ABI3BP: variants seen among roughly 807,000 people sequenced by gnomAD.
ABI3BP encodes ABI family member 3 binding protein.
In ABI3BP, 216 loss-of-function variants were observed where a neutral mutation model predicts 268.6. The observed-to-expected ratio is 0.80, with a 90% confidence interval of 0.72 to 0.90. ABI3BP has a LOEUF of 0.90. Ranked by LOEUF, ABI3BP falls within the 40% of genes least tolerant of loss-of-function variation. The pLI is 0.00. For missense variants in ABI3BP, 2,090 were observed against 2,182.4 expected, an observed-to-expected ratio of 0.96 and a Z score of 0.84; for synonymous variants, 730 against 730.0, an observed-to-expected ratio of 1.00 and a Z score of 0.00.
At chr3:100,867,360 G>A (rs901987832) in intron 9 of ABI3BP, among the ~76,000 whole-genome samples, 9 of 152,074 alleles carry the variant, frequency 5.9e-5, no homozygotes, top group Non-Finnish European at 1.3e-4. Context: ...GAAAATTTCC[G>A]GCCGGGCGTG....
At chr3:100,872,998 A>G (rs1048739605) in intron 9 of ABI3BP, among the ~76,000 whole-genome samples, 5 of 152,188 alleles carry the variant, frequency 3.3e-5, no homozygotes, top group African/African-American at 9.6e-5. Context: ...AAAATTTTCA[A>G]AAATTGTAAG....
chr3:100,934,797 T>C (rs1221859079), intron 1 of ABI3BP, among the ~76,000 whole-genome samples: 2 of 152,226 alleles, frequency 1.3e-5, no homozygotes, highest in African/African-American at 4.8e-5. Flanking sequence ...GAGAAGTGTC[T>C]GTTCATATCC....
chr3:100,861,210 G>A (rs187768666), intron 14 of ABI3BP, among the ~76,000 whole-genome samples: 2 of 152,200 alleles, frequency 1.3e-5, no homozygotes, highest in African/African-American at 4.8e-5. Flanking sequence ...GGAAACTAGG[G>A]GTGACTATAA....
chr3:100,984,158 A>AT (rs2090794555), intron 1 of ABI3BP, among the ~76,000 whole-genome samples: 1 of 148,206 alleles, frequency 6.7e-6, no homozygotes, highest in Non-Finnish European at 1.5e-5. Context: ...AAAAAAAAAA[A>AT]TCCCACCCTA....
chr3:100,870,093 G>A (rs1282072927), intron 9 of ABI3BP, among the ~76,000 whole-genome samples: 1 of 152,096 alleles, frequency 6.6e-6, no homozygotes, highest in East Asian at 1.9e-4. Flanking sequence ...AAAAAATGTA[G>A]CTTTTTTGAG....
At chr3:100,831,771 A>G (rs2098499058) in intron 31 of ABI3BP, among the ~76,000 whole-genome samples, 1 of 152,148 alleles carries the variant, frequency 6.6e-6, no homozygotes, top group South Asian at 2.1e-4. Flanking sequence ...TTCCTCCTCT[A>G]AATATTTGCC....
At chr3:100,776,439 T>TA (rs1414847584) in intron 59 of ABI3BP, among the ~76,000 whole-genome samples, 1 of 152,188 alleles carries the variant, frequency 6.6e-6, no homozygotes, top group East Asian at 1.9e-4. Flanking sequence ...TGGCATAGCA[T>TA]AGCATTTTCA....
chr3:100,964,941 C>T (rs1044125825), intron 1 of ABI3BP, among the ~76,000 whole-genome samples: 1 of 152,118 alleles, frequency 6.6e-6, no homozygotes, highest in Non-Finnish European at 1.5e-5. Flanking sequence ...AGAGCTAGTT[C>T]CTATTAAAGT....
chr3:100,958,033 TAAGG>T (rs1280263440), intron 1 of ABI3BP, among the ~76,000 whole-genome samples: 3 of 147,988 alleles, frequency 2.0e-5, no homozygotes, highest in Non-Finnish European at 4.5e-5. Flanking sequence ...TTGGAATCCA[TAAGG>T]AAAAACATGT....
At chr3:100,756,018 T>C (rs2095598950) in intron 63 of ABI3BP, among the ~76,000 whole-genome samples, 1 of 152,266 alleles carries the variant, frequency 6.6e-6, no homozygotes, top group South Asian at 2.1e-4. Flanking sequence ...TGAGGTATTG[T>C]GTTAACATTG....
chr3:100,911,251 AG>A lies in ABI3BP; in HGVS notation c.260-8566del, dbSNP rs2056329299. On this transcript the variant is annotated intron_variant, in intron 2 of 67. Transcript: ENST00000471714. ...CAGTTTGGCTACTACATCGAGGTGG[AG>A]GTTGTTGTTACAGCTTTTAGAAACA... 1.2e-5 allele frequency: 4 copies of A among 327,082 alleles called. No homozygotes were observed. The Admixed American group carries it at 1.5e-4, about 12-fold the overall frequency. 20.3% of individuals were successfully genotyped at this position (327,082 alleles called of 1,614,324 possible). A position where few individuals can be genotyped will look rare whatever the true frequency, so the allele number is the denominator to read the frequency against.
At chr3:100,766,332 G>C (rs535458108) in intron 62 of ABI3BP, among the ~76,000 whole-genome samples, 1 of 152,358 alleles carries the variant, frequency 6.6e-6, no homozygotes, top group South Asian at 2.1e-4. Context: ...GAGGAGTGGT[G>C]CCTGAGTAGA....
At chr3:100,815,718 C>A (rs1487692815) in intron 44 of ABI3BP, among the ~76,000 whole-genome samples, 194 bp downstream of exon 44, 2 of 152,090 alleles carry the variant, frequency 1.3e-5, no homozygotes, top group Non-Finnish European at 2.9e-5. Context: ...GACAGCTGTC[C>A]TTCACTGGGT....
At chr3:100,806,683 CTG>C (rs1234051702) in intron 50 of ABI3BP, among the ~76,000 whole-genome samples, 4 of 152,052 alleles carry the variant, frequency 2.6e-5, no homozygotes, top group Admixed American at 1.3e-4. Flanking sequence ...TGCTGATGGA[CTG>C]GAAGTTGCTT....
chr3:100,790,466 A>G (rs1315323926), intron 55 of ABI3BP, among the ~76,000 whole-genome samples: 1 of 152,060 alleles, frequency 6.6e-6, no homozygotes, highest in Non-Finnish European at 1.5e-5. Flanking sequence ...ATATTTATAT[A>G]GCCATAAATC....
At chr3:100,970,604 C>T (rs747731999) in intron 1 of ABI3BP, among the ~76,000 whole-genome samples, 1 of 152,166 alleles carries the variant, frequency 6.6e-6, no homozygotes, top group African/African-American at 2.4e-5. Flanking sequence ...ATGGATAGAC[C>T]TCACTCCTCT....
At chr3:100,947,665 G>C (rs1005587617) in intron 1 of ABI3BP, among the ~76,000 whole-genome samples, 4 of 152,112 alleles carry the variant, frequency 2.6e-5, no homozygotes, top group Admixed American at 2.0e-4. Context: ...CTATTCCCCA[G>C]TGTGAAATAA....
rs757417408 is a variant in ABI3BP at position 100,820,294 on chromosome 3, G to GT, written c.2956dup (p.Thr986AsnfsTer13). 1 of 1,535,676 alleles carries GT rather than the reference G, an allele frequency of 6.5e-7. No individual in the cohort carries two copies. Among genetic ancestry groups the GT allele is most frequent in the South Asian group, 1.2e-5 (1 of 83,956 alleles). ...ACGTGGACGACGAGTTCGTTGTGATGTTTTAGGAGCTGAAGAAAGAAAACC... is the reference window on the plus strand; with the variant it reads ...ACGTGGACGACGAGTTCGTTGTGATGTTTTTAGGAGCTGAAGAAAGAAAACC... On this transcript the variant is annotated frameshift_variant, in exon 40 of 68. Coordinates refer to ENST00000471714, the MANE Select transcript of ABI3BP (RefSeq NM_001375547.2). LOFTEE classifies it high-confidence loss of function.
At chr3:100,892,819 A>G (rs1452221049) in intron 4 of ABI3BP, among the ~76,000 whole-genome samples, 2 of 151,884 alleles carry the variant, frequency 1.3e-5, no homozygotes, top group Non-Finnish European at 2.9e-5. Context: ...TAAGAAGGGT[A>G]CTGCAGGTAA....
Sources: gnomAD v4.1 joint callset for allele counts (sites outside exome capture counted in the v4.1 genomes callset) on GRCh38, gnomAD v4.1.1 for gene constraint, MANE v1.5 for transcripts, NCBI Gene and HGNC (gene_info 2026-07-23, HGNC 2026-07-21) for gene names.